CNTN5: variants seen among roughly 807,000 people sequenced by gnomAD.
CNTN5 encodes contactin-5.
Under a neutral mutation model 129.1 loss-of-function variants are expected in CNTN5, and 77 were observed. The observed-to-expected ratio is 0.60, with a 90% CI of 0.50 to 0.72. The LOEUF (loss-of-function observed/expected upper bound fraction) is 0.72. Ranked by LOEUF, CNTN5 falls within the 30% of genes least tolerant of loss-of-function variation. CNTN5 has a pLI of 0.00. For synonymous variants in CNTN5, 509 were observed against 465.6 expected, an observed-to-expected ratio of 1.09 and a Z score of -1.20; for missense variants, 1,478 against 1,328.8, an observed-to-expected ratio of 1.11 and a Z score of -1.75.
At chr11:99,127,744 T>G (rs1858715981) in intron 1 of CNTN5, among the ~76,000 whole-genome samples, 1 of 152,190 alleles carries the variant, frequency 6.6e-6, no homozygotes, top group African/African-American at 2.4e-5. Flanking sequence ...CTTCAAGATA[T>G]CCATTATATG....
At chr11:100,090,047 A>C (rs1351619333) in intron 13 of CNTN5, among the ~76,000 whole-genome samples, 1 of 152,190 alleles carries the variant, frequency 6.6e-6, no homozygotes, top group African/African-American at 2.4e-5. Flanking sequence ...CCAGAACTTT[A>C]AATTACACTT....
Position 99,923,805 on chromosome 11 carries a change from A to G in CNTN5, c.673+7656A>G, listed in dbSNP as rs74668277. ...TATCTATCTATCTATCTATCTATCT[A>G]TCTGACAGAGTCTTGCTCTGTTGCC... is the stretch of plus-strand genomic sequence containing the variant. On this transcript the variant is annotated intron_variant, in intron 7 of 24. Coordinates refer to ENST00000524871, the MANE Select transcript of CNTN5 (RefSeq NM_014361.4). 1.7e-4 allele frequency among the ~76,000 whole-genome samples: 25 copies of G among 150,412 alleles called. No homozygotes were observed. The East Asian group carries it at 2.0e-3, about 12-fold the overall frequency.
chr11:99,661,867 G>A (rs1200361335), intron 3 of CNTN5, among the ~76,000 whole-genome samples: 1 of 152,070 alleles, frequency 6.6e-6, no homozygotes, highest in East Asian at 1.9e-4. Context: ...TTAAATGTTA[G>A]AAGACTTACT....
chr11:99,617,193 T>A (rs532721090), intron 3 of CNTN5, among the ~76,000 whole-genome samples: 46 of 152,306 alleles, frequency 3.0e-4, no homozygotes, highest in African/African-American at 1.1e-3. Context: ...GAGAAGGACC[T>A]TTTAAGATAT....
At chr11:99,271,129 A>G (rs965622935) in intron 1 of CNTN5, among the ~76,000 whole-genome samples, 1 of 151,948 alleles carries the variant, frequency 6.6e-6, no homozygotes, top group African/African-American at 2.4e-5. Flanking sequence ...TTGTGTAACA[A>G]AAATAATCTT....
At chr11:99,822,306 C>T (rs937666322) in intron 4 of CNTN5, among the ~76,000 whole-genome samples, 11 of 152,082 alleles carry the variant, frequency 7.2e-5, no homozygotes, top group African/African-American at 1.4e-4. Flanking sequence ...GGAAATAAAA[C>T]GCATCTTCAC....
rs143238425 is a variant in CNTN5 at position 99,334,166 on chromosome 11, G to A, written c.-71+8682G>A. On this transcript the variant is annotated intron_variant, in intron 2 of 24. Transcript: ENST00000524871. ...CAGACTCTCACTCACAAATACACAGGCATCTTTGAAAGCAATTCAAACAAA... is the reference window on the plus strand; with the variant it reads ...CAGACTCTCACTCACAAATACACAGACATCTTTGAAAGCAATTCAAACAAA... Among the ~76,000 whole-genome samples, 1,071 of 151,818 alleles carry A rather than the reference G, an allele frequency of 7.1e-3. 8 individuals are homozygous for A. Among genetic ancestry groups the A allele is most frequent in the Non-Finnish European group, 0.012 (802 of 67,908 alleles).
chr11:99,278,619 T>C (rs896050054), intron 1 of CNTN5, among the ~76,000 whole-genome samples: 1 of 151,616 alleles, frequency 6.6e-6, no homozygotes, highest in African/African-American at 2.4e-5. Flanking sequence ...ATATGCTTTA[T>C]GTATGTTTAT....
At chr11:99,390,482 G>A (rs1169807127) in intron 2 of CNTN5, among the ~76,000 whole-genome samples, 2 of 152,144 alleles carry the variant, frequency 1.3e-5, no homozygotes, top group Non-Finnish European at 1.5e-5. Flanking sequence ...ATAATAAGTT[G>A]ATGACATATA....
chr11:99,566,424 C>T (rs980084012), intron 3 of CNTN5, among the ~76,000 whole-genome samples: 3 of 152,154 alleles, frequency 2.0e-5, no homozygotes, highest in African/African-American at 4.8e-5. Flanking sequence ...CACGTAAGAA[C>T]GAACTAACAC....
At chr11:99,127,838 CA>C (rs1388450095) in intron 1 of CNTN5, among the ~76,000 whole-genome samples, 1 of 152,130 alleles carries the variant, frequency 6.6e-6, no homozygotes, top group Admixed American at 6.6e-5. Flanking sequence ...ACGTCTTTAT[CA>C]CATATGACAA....
intron 2 of CNTN5, among the ~76,000 whole-genome samples, chr11:99,474,592 A>T (rs1945298649): frequency 6.6e-6 from 1 of 152,148 alleles, no homozygotes; most frequent in Non-Finnish European, 1.5e-5. Flanking sequence ...TCAAGATTGA[A>T]GGAAAAATCA....
chr11:100,339,196 TG>T (rs1208380121), intron 21 of CNTN5, among the ~76,000 whole-genome samples: 1 of 152,038 alleles, frequency 6.6e-6, no homozygotes, highest in Non-Finnish European at 1.5e-5. Flanking sequence ...TACCCTCCAC[TG>T]GCAAGGGCAA....
At chr11:100,141,989 C>T (rs1177891900) in intron 13 of CNTN5, among the ~76,000 whole-genome samples, 1 of 151,772 alleles carries the variant, frequency 6.6e-6, no homozygotes, top group East Asian at 1.9e-4. Flanking sequence ...CTGGATAGAA[C>T]AAAAAAGCAG....
chr11:100,310,505 A>G (rs1433370129), intron 21 of CNTN5, among the ~76,000 whole-genome samples: 3 of 152,068 alleles, frequency 2.0e-5, no homozygotes, highest in Non-Finnish European at 4.4e-5. Flanking sequence ...CCTATTAAGT[A>G]CCAGACAATG....
chr11:99,924,151 A>G (rs999752604), intron 7 of CNTN5, among the ~76,000 whole-genome samples: 6 of 152,248 alleles, frequency 3.9e-5, no homozygotes, highest in Admixed American at 3.3e-4. Flanking sequence ...ATGGTATCTC[A>G]TTGCGGTTTT....
chr11:100,037,687 T>G (rs1381343071), intron 9 of CNTN5, among the ~76,000 whole-genome samples: 1 of 152,198 alleles, frequency 6.6e-6, no homozygotes, highest in Non-Finnish European at 1.5e-5. Flanking sequence ...TCTTCCTGGT[T>G]TAGTCTTGGG....
chr11:99,823,574 A>T (rs1145403), intron 4 of CNTN5, among the ~76,000 whole-genome samples: 9 of 152,008 alleles, frequency 5.9e-5, no homozygotes, highest in African/African-American at 1.7e-4. Context: ...TACTATTTTA[A>T]GTGCTCATAG....
At chr11:99,959,249 C>A (rs1377094434) in intron 8 of CNTN5, among the ~76,000 whole-genome samples, 1 of 152,106 alleles carries the variant, frequency 6.6e-6, no homozygotes, top group Non-Finnish European at 1.5e-5. Context: ...TCAACATTGC[C>A]ATTCAATCCC....
Sources: allele counts gnomAD v4.1 joint callset (sites outside exome capture counted in the v4.1 genomes callset), GRCh38; gene constraint gnomAD v4.1.1; transcripts MANE v1.5; gene names NCBI Gene and HGNC (gene_info 2026-07-23, HGNC 2026-07-21).